ARHGEF10: variants seen among roughly 807,000 people sequenced by gnomAD.
ARHGEF10 encodes the protein Rho guanine nucleotide exchange factor (GEF) 10.
In ARHGEF10, 140 loss-of-function variants were observed where a neutral mutation model predicts 147.4. The observed-to-expected ratio is 0.95, with a 90% CI of 0.83 to 1.09. The LOEUF is 1.09. ARHGEF10 is among the 50% of genes least tolerant of loss of function. The pLI is 0.00. For synonymous variants in ARHGEF10, 902 were observed against 695.8 expected, an observed-to-expected ratio of 1.30 and a Z score of -4.67; for missense variants, 2,222 against 1,752.7, an observed-to-expected ratio of 1.27 and a Z score of -4.78.
chr8:1,933,956 G>T lies in ARHGEF10; in HGVS notation c.3222+14G>T. On this transcript the variant is annotated intron_variant, in intron 26 of 28. Transcript: ENST00000349830. Reference sequence around the variant, plus strand: ...CATGCTGTAGAGGTAAGTCACTTAGGTGGCTACACGGTGTGGAAAAAATGC... The same window carrying T: ...CATGCTGTAGAGGTAAGTCACTTAGTTGGCTACACGGTGTGGAAAAAATGC... The T allele has an allele frequency of 6.2e-7, 1 of 1,614,168 alleles. No homozygotes were observed. The highest frequency in any genetic ancestry group is 8.5e-7 in the Non-Finnish European group (1 of 1,180,038).
chr8:1,902,427 G>C (rs1347179324), intron 15 of ARHGEF10, among the ~76,000 whole-genome samples: 2 of 152,174 alleles, frequency 1.3e-5, no homozygotes, highest in African/African-American at 4.8e-5. Flanking sequence ...TTGTTGATTT[G>C]TGCCACATAC....
intron 26 of ARHGEF10, among the ~76,000 whole-genome samples, chr8:1,944,131 C>T (rs980968397): frequency 1.2e-5 from 1 of 82,774 alleles, no homozygotes; most frequent in Non-Finnish European, 3.0e-5. Context: ...CCCCAGGATC[C>T]CAGCCTCCCG....
At chr8:1,898,550 C>G (rs986140837) in intron 15 of ARHGEF10, 25 bp downstream of exon 15, 1 of 1,600,438 alleles carries the variant, frequency 6.2e-7, no homozygotes, top group East Asian at 2.2e-5. Flanking sequence ...GAGACCTCCT[C>G]AAGCTAGTCC....
intron 1 of ARHGEF10, among the ~76,000 whole-genome samples, chr8:1,837,880 G>T (rs1204775700): frequency 1.3e-5 from 2 of 152,180 alleles, no homozygotes; most frequent in African/African-American, 2.4e-5. Context: ...TCCTCATGGT[G>T]AGTCAAGGTG....
rs1463246443 is a variant in ARHGEF10 at position 1,824,061 on chromosome 8, C to CA, written c.-100_-99insA. 2 of 82,672 alleles carry CA rather than the reference C, an allele frequency of 2.4e-5. No individual in the cohort carries two copies. Among genetic ancestry groups the CA allele is most frequent in the East Asian group, 7.2e-4 (2 of 2,764 alleles). 5.1% of individuals were successfully genotyped at this position (82,672 alleles called of 1,614,324 possible). A position where few individuals can be genotyped will look rare whatever the true frequency, so the allele number is the denominator to read the frequency against. Reference sequence around the variant, plus strand: ...AACAGCGGGGGACGGCGGGGAACAGCGGGGGACGGCGGGGAACAGCAGGGG... The same window carrying CA: ...AACAGCGGGGGACGGCGGGGAACAGCAGGGGGACGGCGGGGAACAGCAGGGG... On this transcript the variant is annotated 5_prime_UTR_variant, in exon 1 of 29. Coordinates refer to ENST00000349830, the MANE Select transcript of ARHGEF10 (RefSeq NM_014629.4).
intron 26 of ARHGEF10, among the ~76,000 whole-genome samples, chr8:1,944,801 C>G (rs1196768935): frequency 6.6e-6 from 1 of 152,238 alleles, no homozygotes; most frequent in African/African-American, 2.4e-5. Context: ...GGGGGCAGTC[C>G]TCCTGGGACT....
rs1184535398 is a variant in ARHGEF10, at chr8:1,889,624, A to C, written c.1182+3917A>C. On this transcript the variant is annotated intron_variant, in intron 11 of 28. Transcript: ENST00000349830. ...ACTGAGTGTGGGTGAGGGGTCTGTG[A>C]GGAGTCATGGAGTGTGGTGTGAGTT... Among the ~76,000 whole-genome samples, 161 of 42,198 alleles carry C rather than the reference A, an allele frequency of 3.8e-3. 3 individuals carry two copies. Among genetic ancestry groups the C allele is most frequent in the East Asian group, 0.031 (8 of 260 alleles). The allele number at this position is 42,198 out of a possible 152,430, so 27.7% of individuals were successfully genotyped here.
chr8:1,946,611 C>T (rs772448442), intron 27 of ARHGEF10, among the ~76,000 whole-genome samples: 8 of 152,222 alleles, frequency 5.3e-5, no homozygotes, highest in Non-Finnish European at 1.2e-4. Context: ...ACCCTAATCA[C>T]GTCCCCAAAG....
intron 1 of ARHGEF10, among the ~76,000 whole-genome samples, chr8:1,834,005 G>A (rs1803429350): frequency 6.6e-6 from 1 of 152,200 alleles, no homozygotes; most frequent in South Asian, 2.1e-4. Context: ...TGCAGCTCCA[G>A]CCCTCCCGGG....
intron 15 of ARHGEF10, among the ~76,000 whole-genome samples, chr8:1,901,439 C>T (rs1442811153): frequency 5.3e-5 from 8 of 152,238 alleles, no homozygotes; most frequent in South Asian, 2.1e-4. Flanking sequence ...AACCGGCTCA[C>T]CCTGGCTATG....
chr8:1,932,293 G>T (rs1242572861), intron 25 of ARHGEF10, among the ~76,000 whole-genome samples: 2 of 152,180 alleles, frequency 1.3e-5, no homozygotes, highest in East Asian at 3.9e-4. Context: ...GTGAGCAGGT[G>T]TGTATGCATG....
intron 1 of ARHGEF10, among the ~76,000 whole-genome samples, chr8:1,834,118 G>A (rs1205016859): frequency 1.3e-5 from 2 of 152,286 alleles, no homozygotes; most frequent in Admixed American, 6.5e-5. Context: ...CTCATGGCAC[G>A]GACAGTTCTG....
chr8:1,882,769 C>A lies in ARHGEF10; in HGVS notation c.1075+20C>A, dbSNP rs773008961. The A allele has an allele frequency of 2.1e-6, 3 of 1,463,024 alleles. No homozygotes were observed. In the South Asian group the frequency reaches 3.7e-5, roughly 18 times the overall value. 90.6% of individuals were successfully genotyped at this position (1,463,024 alleles called of 1,614,324 possible). A position where few individuals can be genotyped will look rare whatever the true frequency, so the allele number is the denominator to read the frequency against. ...CACAGGGTCCGTGCCTGCAGGTCTT[C>A]TTGCGGGGAGGACACGGGGTTGGGG... On this transcript the variant is annotated intron_variant, in intron 10 of 28. Coordinates refer to ENST00000349830, the MANE Select transcript of ARHGEF10 (RefSeq NM_014629.4).
intron 17 of ARHGEF10, among the ~76,000 whole-genome samples, chr8:1,907,150 G>C (rs916859703): frequency 6.6e-6 from 1 of 152,198 alleles, no homozygotes. Context: ...AGAATTGCGA[G>C]GATGCAGAGT....
chr8:1,858,175 G>C, intron 3 of ARHGEF10, 60 bp downstream of exon 3: 1 of 1,534,060 alleles, frequency 6.5e-7, no homozygotes, highest in Non-Finnish European at 8.8e-7. Context: ...TGAGTCCCCA[G>C]GTGGGTCCCC....
chr8:1,906,966 A>G (rs1810943676), intron 17 of ARHGEF10, among the ~76,000 whole-genome samples: 1 of 152,226 alleles, frequency 6.6e-6, no homozygotes, highest in African/African-American at 2.4e-5. Flanking sequence ...CATTTGACTC[A>G]TACCCCATGG....
intron 18 of ARHGEF10, among the ~76,000 whole-genome samples, chr8:1,915,607 G>T (rs532711679): frequency 6.6e-6 from 1 of 152,362 alleles, no homozygotes; most frequent in South Asian, 2.1e-4. Context: ...CACATGCGTG[G>T]CTCTGTTCTC....
At chr8:1,861,525 G>T (rs1585302371) in intron 4 of ARHGEF10, among the ~76,000 whole-genome samples, 1 of 152,216 alleles carries the variant, frequency 6.6e-6, no homozygotes, top group East Asian at 1.9e-4. Flanking sequence ...AGGGTTCATG[G>T]GATGTTCCTC....
intron 2 of ARHGEF10, among the ~76,000 whole-genome samples, chr8:1,851,423 C>T (rs1031447432): frequency 5.3e-5 from 8 of 152,022 alleles, no homozygotes; most frequent in African/African-American, 1.9e-4. Flanking sequence ...GCCTAACACA[C>T]ACCGTGGGCT....
Sources: allele counts gnomAD v4.1 joint callset (sites outside exome capture counted in the v4.1 genomes callset), GRCh38; gene constraint gnomAD v4.1.1; transcripts MANE v1.5; gene names NCBI Gene and HGNC (gene_info 2026-07-23, HGNC 2026-07-21).